The following ZNF106 variants were observed in gnomAD, a reference collection of about 807,000 sequenced individuals.
The protein encoded by ZNF106 is SH3-domain binding protein 3.
Under a neutral mutation model 195.1 loss-of-function variants are expected in ZNF106, and 67 were observed. That is an observed-to-expected ratio of 0.34 (90% CI 0.28 to 0.42). The LOEUF (loss-of-function observed/expected upper bound fraction) is 0.42. ZNF106 is among the 10% of genes least tolerant of loss of function. The pLI, the probability that ZNF106 is intolerant of heterozygous loss-of-function variation, is 1.00. For synonymous variants in ZNF106, 784 were observed against 818.6 expected, an observed-to-expected ratio of 0.96 and a Z score of 0.72; for missense variants, 2,118 against 2,304.5, an observed-to-expected ratio of 0.92 and a Z score of 1.66.
chr15:42,426,952 T>C (rs189881609), intron 15 of ZNF106, among the ~76,000 whole-genome samples: 1 of 152,304 alleles, frequency 6.6e-6, no homozygotes, highest in African/African-American at 2.4e-5. Context: ...TCTTCTCACT[T>C]GATCTTAAGT....
chr15:42,447,103 T>C (rs1386379397), intron 6 of ZNF106, among the ~76,000 whole-genome samples: 3 of 152,262 alleles, frequency 2.0e-5, no homozygotes, highest in African/African-American at 7.2e-5. Flanking sequence ...GCTTGAAGTG[T>C]ATTTTAAGTC....
chr15:42,481,813 G>A (rs1309330951), intron 1 of ZNF106, among the ~76,000 whole-genome samples: 1 of 152,132 alleles, frequency 6.6e-6, no homozygotes, highest in Non-Finnish European at 1.5e-5. Context: ...TGTATCTAAT[G>A]TGTTGTTTTC....
Position 42,446,657 on chromosome 15 carries a change from T to A in ZNF106, c.3137A>T (p.Asp1046Val). 1.2e-6 allele frequency: 2 copies of A among 1,600,396 alleles called. No homozygotes were observed. Among genetic ancestry groups the A allele is most frequent in the Non-Finnish European group, 1.7e-6 (2 of 1,172,848 alleles). ...ACTTGGGAGTTCAGGAGAAGATCCA[T>A]CCTGGAAGGATAAAGAAAACTGAAT... ...SIRKKRRATG[D>V]GSSPELPSLE... The change falls in exon 7 of 22, where the codon GAT becomes GTT. Residue 1046 changes from aspartate to valine, a missense_variant and splice_region_variant. By Grantham distance (152) the Asp-to-Val change is radical. Transcript: ENST00000564754.
intron 13 of ZNF106, among the ~76,000 whole-genome samples, chr15:42,436,006 T>C (rs2141304083): frequency 6.6e-6 from 1 of 150,518 alleles, no homozygotes; most frequent in Non-Finnish European, 1.5e-5. Flanking sequence ...CAGGCTGGAG[T>C]GCAGTGGCGC....
At chr15:42,445,265 T>C (rs1253152366) in intron 7 of ZNF106, among the ~76,000 whole-genome samples, 5 of 152,222 alleles carry the variant, frequency 3.3e-5, no homozygotes, top group Non-Finnish European at 5.9e-5. Context: ...AGGTGAAATC[T>C]GTCCCATGCA....
At position 42,446,705 on chromosome 15, in the gene ZNF106, T is replaced by C. The variant is rs944914828; in HGVS notation, c.3136-47A>G. ...AATAAAATCCAATGTGTAAAAGCCA[T>C]TATCCAAGAGGAGAAAAAGGAATCA... On this transcript the variant is annotated intron_variant, in intron 6 of 21. Transcript: ENST00000564754. The C allele has an allele frequency of 8.8e-6, 13 of 1,478,724 alleles. No homozygotes were observed. The African/African-American group carries it at 1.3e-4, about 15-fold the overall frequency. The allele number at this position is 1,478,724 out of a possible 1,614,324, so 91.6% of individuals were successfully genotyped here. A position where few individuals can be genotyped will look rare whatever the true frequency, so the allele number is the denominator to read the frequency against.
Position 42,422,611 on chromosome 15 carries a change from G to A in ZNF106, c.5263C>T (p.Leu1755Phe), listed in dbSNP as rs748620391. Residue 1755 changes from leucine to phenylalanine, a missense_variant, in exon 18 of 22, where the codon CTC becomes TTC. Leu to Phe is a conservative substitution (Grantham distance 22). Transcript: ENST00000564754. ...TTGTGACCTTTATAGATCCGCACGA[G>A]CTCACCAGTCTATGTCAGAAGAGAA... ...VHAHNIHTGELVRIYKGHNHA... is the reference protein window; with the variant it reads ...VHAHNIHTGEFVRIYKGHNHA... The A allele has an allele frequency of 6.2e-7, 1 of 1,610,706 alleles. No homozygotes were observed. The highest frequency in any genetic ancestry group is 1.1e-5 in the South Asian group (1 of 90,438).
rs2055504899 is a variant in ZNF106 at position 42,441,001 on chromosome 15, ATATATAT to A, written c.3763+1065_3763+1071del. On this transcript the variant is annotated intron_variant, in intron 10 of 21. Coordinates refer to ENST00000564754, the MANE Select transcript of ZNF106 (RefSeq NM_001366845.3). ...CTCTGTCTAAAAAAAAAAAAAAAAT[ATATATAT>A]ATATATATATATATATATATATATA... is the stretch of plus-strand genomic sequence containing the variant. 5.8e-3 allele frequency among the ~76,000 whole-genome samples: 94 copies of A among 16,340 alleles called. 12 individuals are homozygous for A. The highest frequency in any genetic ancestry group is 0.013 in the African/African-American group (76 of 5,744). The allele number at this position is 16,340 out of a possible 152,430, so 10.7% of individuals were successfully genotyped here. A position where few individuals can be genotyped will look rare whatever the true frequency, so the allele number is the denominator to read the frequency against.
At position 42,457,053 on chromosome 15, in the gene ZNF106, C is replaced by A. The variant is rs2141377962; in HGVS notation, c.222G>T (p.Gln74His). 6.2e-7 allele frequency: 1 copy of A among 1,611,120 alleles called. No homozygotes were observed. Among genetic ancestry groups the A allele is most frequent in the Middle Eastern group, 1.6e-4 (1 of 6,062 alleles). The change falls in exon 4 of 22, where the codon CAG (glutamine) becomes CAT (histidine). Residue 74 changes from glutamine (Q) to histidine (H), a missense_variant. Coordinates refer to ENST00000564754, the MANE Select transcript of ZNF106 (RefSeq NM_001366845.3). Reference sequence around the variant, plus strand: ...CTCCTTTTCCATCATCTTCTCTTTCCTGGGCATCAACGTTATCTTTGTGCA... The same window carrying A: ...CTCCTTTTCCATCATCTTCTCTTTCATGGGCATCAACGTTATCTTTGTGCA... Reference protein sequence around the residue: ...GQLHKDNVDAQEREDDGKGEE... With the variant: ...GQLHKDNVDAHEREDDGKGEE...
At chr15:42,478,646 G>C (rs1203037783) in intron 1 of ZNF106, among the ~76,000 whole-genome samples, 3 of 150,904 alleles carry the variant, frequency 2.0e-5, no homozygotes, top group Non-Finnish European at 2.9e-5. Flanking sequence ...CTCCCGAGTA[G>C]CTTTACAGGC....
intron 1 of ZNF106, among the ~76,000 whole-genome samples, chr15:42,480,941 C>A (rs553891342): frequency 3.9e-5 from 6 of 152,014 alleles, no homozygotes; most frequent in Non-Finnish European, 5.9e-5. Flanking sequence ...ACAGAGATAG[C>A]GCCACTGCAC....
chr15:42,435,602 A>C (rs553197864), intron 13 of ZNF106, 84 bp from the exon 14 acceptor site: 82 of 1,539,760 alleles, frequency 5.3e-5, no homozygotes, highest in Admixed American at 2.9e-4. Flanking sequence ...AAGATGCTAA[A>C]ACATTCAGTT....
chr15:42,424,746 C>T (rs1296751974), intron 16 of ZNF106, 88 bp downstream of exon 16: 19 of 1,361,830 alleles, frequency 1.4e-5, no homozygotes, highest in Non-Finnish European at 1.7e-5. Flanking sequence ...TCCCAAAGTG[C>T]TGGGACTACA....
At chr15:42,471,189 C>G (rs1014025415) in intron 2 of ZNF106, among the ~76,000 whole-genome samples, 7 of 152,146 alleles carry the variant, frequency 4.6e-5, no homozygotes, top group Non-Finnish European at 8.8e-5. Flanking sequence ...ATATCTCTTC[C>G]TCGTTTCTCT....
chr15:42,483,400 G>A (rs757679666), intron 1 of ZNF106, among the ~76,000 whole-genome samples: 3 of 152,184 alleles, frequency 2.0e-5, no homozygotes, highest in Non-Finnish European at 2.9e-5. Context: ...TCATGCGATG[G>A]AGTAGGAGGC....
rs776705632 is a variant in ZNF106 at position 42,421,944 on chromosome 15, A to C, written c.5418T>G (p.Ile1806Met). The stretch of plus-strand genomic sequence containing the variant: ...TGCTTTTATGGATGGTCATACACAT[A>C]ATCATGTCTTTGTGTCCTCCATAAA... ...LQVYGGHKDM[I>M]MCMTIHKSMI... is the part of the protein sequence containing the mutation. Residue 1806 changes from isoleucine to methionine, a missense_variant, in exon 19 of 22, where the codon ATT (isoleucine) becomes ATG (methionine). Coordinates refer to ENST00000564754, the MANE Select transcript of ZNF106 (RefSeq NM_001366845.3). 1 of 1,586,698 alleles carries C rather than the reference A, an allele frequency of 6.3e-7. No individual in the cohort carries two copies. The highest frequency in any genetic ancestry group is 1.1e-5 in the South Asian group (1 of 88,782).
Position 42,450,030 on chromosome 15 carries a change from G to GAAAGCCA in ZNF106, c.2235_2241dup (p.Pro748TrpfsTer15). 1 of 1,614,188 alleles carries GAAAGCCA rather than the reference G, an allele frequency of 6.2e-7. No individual in the cohort carries two copies. Among genetic ancestry groups the GAAAGCCA allele is most frequent in the Non-Finnish European group, 8.5e-7 (1 of 1,180,038 alleles). ...GTTAGATCCCTCTGAAGTGAGGCAG[G>GAAAGCCA]AAAGCCAAGCTTACTTAGTTCAGGC... On this transcript the variant is annotated frameshift_variant, in exon 5 of 22. Transcript: ENST00000564754. LOFTEE classifies it high-confidence loss of function.
chr15:42,446,588 CCTTT>C lies in ZNF106; in HGVS notation c.3202_3205del (p.Lys1068AsnfsTer9). 4 of 1,589,798 alleles carry C rather than the reference CCTTT, an allele frequency of 2.5e-6. No homozygotes were observed. The highest frequency in any genetic ancestry group is 3.4e-6 in the Non-Finnish European group (4 of 1,165,152). On this transcript the variant is annotated frameshift_variant and splice_region_variant, in exon 7 of 22. Coordinates refer to ENST00000564754, the MANE Select transcript of ZNF106 (RefSeq NM_001366845.3). LOFTEE classifies it high-confidence loss of function. ...TTCTTCCAAAATATTCTGCACCATA[CCTTT>C]TTTTCCTTTAATTTTCCTTCTTTTA...
chr15:42,488,203 C>T (rs1036219702), intron 1 of ZNF106, among the ~76,000 whole-genome samples: 4 of 152,060 alleles, frequency 2.6e-5, no homozygotes, highest in African/African-American at 7.2e-5. Context: ...AACCCATGGA[C>T]GGATATGGAG....
Sources: allele counts gnomAD v4.1 joint callset (sites outside exome capture counted in the v4.1 genomes callset), GRCh38; gene constraint gnomAD v4.1.1; transcripts MANE v1.5; gene names NCBI Gene and HGNC (gene_info 2026-07-23, HGNC 2026-07-21).